CZIB: variants seen among roughly 807,000 people sequenced by gnomAD.
CZIB encodes the protein CXXC motif containing zinc binding protein, also known as UPF0587 protein C1orf123.
A neutral mutation model predicts 28.3 loss-of-function variants in CZIB; 26 were observed. The ratio of observed to expected loss-of-function variants is 0.92; its 90% CI spans 0.67 to 1.27. The LOEUF (loss-of-function observed/expected upper bound fraction) is 1.27. Ranked by LOEUF, CZIB falls within the 50% of genes most tolerant of loss-of-function variation. The pLI is 0.00. For missense variants in CZIB, 179 were observed against 197.3 expected, an observed-to-expected ratio of 0.91 and a Z score of 0.56; for synonymous variants, 78 against 71.1, an observed-to-expected ratio of 1.10 and a Z score of -0.49.
intron 5 of CZIB, chr1:53,217,825 T>C (rs1335193355): frequency 3.5e-6 from 1 of 289,418 alleles, no homozygotes; most frequent in Non-Finnish European, 6.5e-6. Context: ...ATATAAAGGA[T>C]GGGATGCACC....
chr1:53,216,115 T>C lies in CZIB; in HGVS notation c.340-59A>G, dbSNP rs950197012. 4.5e-6 allele frequency: 7 copies of C among 1,542,564 alleles called. No homozygotes were observed. In the African/African-American group the frequency reaches 6.8e-5, roughly 15 times the overall value. On this transcript the variant is annotated intron_variant, in intron 6 of 7. Coordinates refer to ENST00000294360, the MANE Select transcript of CZIB (RefSeq NM_017887.3). The stretch of plus-strand genomic sequence containing the variant: ...GCAAAAGAAGGCATTGGGCTATAAG[T>C]AAGGGCCGGCCAGGCTGCTGGCTCT...
Position 53,218,485 on chromosome 1 carries a change from G to A in CZIB, c.158C>T (p.Ala53Val). The A allele has an allele frequency of 6.2e-7, 1 of 1,614,152 alleles. No homozygotes were observed. Among genetic ancestry groups the A allele is most frequent in the Non-Finnish European group, 8.5e-7 (1 of 1,180,012 alleles). ...AGCACTGCCACGGCCCCCCTTCAGT[G>A]CCACACTGTCCTGGCAAAAAGCAAA... ...WQYIRLMDSV[A>V]LKGGRGSASM... The change falls in exon 4 of 8, where the codon GCA (alanine) becomes GTA (valine). Residue 53 changes from alanine to valine, a missense_variant. Physicochemically the swap from Ala to Val is moderately conservative, Grantham distance 64. Coordinates refer to ENST00000294360, the MANE Select transcript of CZIB (RefSeq NM_017887.3).
At chr1:53,216,460 A>G (rs1020723019) in intron 6 of CZIB, among the ~76,000 whole-genome samples, 1 of 152,228 alleles carries the variant, frequency 6.6e-6, no homozygotes, top group African/African-American at 2.4e-5. Flanking sequence ...CACCAGCTCA[A>G]GTCAGATAGA....
At position 53,214,520 on chromosome 1, in the gene CZIB, A is replaced by T. The variant is rs959829040; in HGVS notation, c.*139T>A. The T allele has an allele frequency of 1.3e-5, 9 of 672,098 alleles. No homozygotes were observed. Among genetic ancestry groups the T allele is most frequent in the Admixed American group, 5.2e-5 (2 of 38,406 alleles). 41.6% of individuals were successfully genotyped at this position (672,098 alleles called of 1,614,324 possible). A position where few individuals can be genotyped will look rare whatever the true frequency, so the allele number is the denominator to read the frequency against. On this transcript the variant is annotated 3_prime_UTR_variant, in exon 8 of 8. Transcript: ENST00000294360. ...TTGATGGGGCTTGGGAAGCTGTAAT[A>T]AAGTCCAGCATGCAGATTGTGAAGG...
chr1:53,215,097 T>C (rs1235321740), intron 7 of CZIB, among the ~76,000 whole-genome samples: 1 of 152,308 alleles, frequency 6.6e-6, no homozygotes, highest in East Asian at 1.9e-4. Context: ...CCCAGCACTT[T>C]GGGAGGCCAA....
Position 53,220,003 on chromosome 1 carries a change from G to C in CZIB, c.90+258C>G, listed in dbSNP as rs1052820740. The C allele has an allele frequency of 6.5e-6, 3 of 462,910 alleles. No individual in the cohort carries two copies. In the Admixed American group the frequency reaches 1.2e-4, roughly 18 times the overall value. The allele number at this position is 462,910 out of a possible 1,614,324, so 28.7% of individuals were successfully genotyped here. A position where few individuals can be genotyped will look rare whatever the true frequency, so the allele number is the denominator to read the frequency against. ...ATAATCACAAGCGTCCCTTCAAGTA[G>C]CATTTCGTTTAGTGTCCATTTACAG... On this transcript the variant is annotated intron_variant, in intron 2 of 7. Coordinates refer to ENST00000294360, the MANE Select transcript of CZIB (RefSeq NM_017887.3).
At position 53,220,353 on chromosome 1, in the gene CZIB, G is replaced by A. The variant is rs773594781; in HGVS notation, c.7-9C>T. 1 of 1,611,548 alleles carries A rather than the reference G, an allele frequency of 6.2e-7. No individual in the cohort carries two copies. On this transcript the variant is annotated splice_polypyrimidine_tract_variant and intron_variant, in intron 1 of 7. Transcript: ENST00000294360. The stretch of plus-strand genomic sequence containing the variant: ...AGTTGCAGCGCGATTTTCTGAGGGG[G>A]AGGGCCAGAGCGACTGCGTCAGCCG...
At chr1:53,217,220 C>A in intron 5 of CZIB, 1 of 205,320 alleles carries the variant, frequency 4.9e-6, no homozygotes, top group Non-Finnish European at 1.0e-5. Flanking sequence ...AAGTGCCCAG[C>A]ACAGTGCTCA....
Position 53,220,633 on chromosome 1 carries a change from G to C in CZIB, c.-58C>G. ...CCTTGCCGTTGCTTTCCGGCGCGTC[G>C]TAAAAGGCGGGTGCCGTCTGCGCAC... On this transcript the variant is annotated 5_prime_UTR_variant, in exon 1 of 8. Coordinates refer to ENST00000294360, the MANE Select transcript of CZIB (RefSeq NM_017887.3). The C allele has an allele frequency of 6.3e-7, 1 of 1,585,218 alleles. No homozygotes were observed. Among genetic ancestry groups the C allele is most frequent in the Admixed American group, 1.7e-5 (1 of 58,898 alleles).
rs770302102 is a variant in CZIB at position 53,220,363 on chromosome 1, G to C, written c.7-19C>G. The C allele has an allele frequency of 1.3e-5, 21 of 1,609,946 alleles. No homozygotes were observed. Among genetic ancestry groups the C allele is most frequent in the Non-Finnish European group, 1.7e-5 (20 of 1,179,394 alleles). On this transcript the variant is annotated intron_variant, in intron 1 of 7. Transcript: ENST00000294360. ...CGATTTTCTGAGGGGGAGGGCCAGA[G>C]CGACTGCGTCAGCCGTGCCTGCGCA...
chr1:53,214,509 G>T lies in CZIB; in HGVS notation c.*150C>A. On this transcript the variant is annotated 3_prime_UTR_variant, in exon 8 of 8. Coordinates refer to ENST00000294360, the MANE Select transcript of CZIB (RefSeq NM_017887.3). ...CAGGGGCTTTATTGATGGGGCTTGG[G>T]AAGCTGTAATAAAGTCCAGCATGCA... 1 of 640,436 alleles carries T rather than the reference G, an allele frequency of 1.6e-6. No individual in the cohort carries two copies. The highest frequency in any genetic ancestry group is 2.7e-6 in the Non-Finnish European group (1 of 365,808). 39.7% of individuals were successfully genotyped at this position (640,436 alleles called of 1,614,324 possible). A position where few individuals can be genotyped will look rare whatever the true frequency, so the allele number is the denominator to read the frequency against.
intron 6 of CZIB, among the ~76,000 whole-genome samples, chr1:53,216,560 G>T (rs1270350423): frequency 6.6e-6 from 1 of 152,138 alleles, no homozygotes; most frequent in Non-Finnish European, 1.5e-5. Flanking sequence ...TGAAGAACAG[G>T]ATGAATAAAT....
At chr1:53,216,726 C>A in intron 6 of CZIB, 56 bp downstream of exon 6, 1 of 1,483,710 alleles carries the variant, frequency 6.7e-7, no homozygotes, top group South Asian at 1.1e-5. Flanking sequence ...TTCTGGCTGT[C>A]ACTTCATACA....
chr1:53,216,365 A>T (rs1288264859), intron 6 of CZIB, among the ~76,000 whole-genome samples: 5 of 152,202 alleles, frequency 3.3e-5, no homozygotes, highest in Admixed American at 2.0e-4. Context: ...TTAGTTATTG[A>T]TAAAACGGGG....
At chr1:53,215,694 A>G (rs1645466027) in intron 7 of CZIB, among the ~76,000 whole-genome samples, 1 of 152,220 alleles carries the variant, frequency 6.6e-6, no homozygotes, top group South Asian at 2.1e-4. Flanking sequence ...CTGTTTAAAG[A>G]TAACTTATTT....
chr1:53,216,421 T>C (rs749715643), intron 6 of CZIB, among the ~76,000 whole-genome samples: 26 of 152,206 alleles, frequency 1.7e-4, no homozygotes, highest in Non-Finnish European at 3.1e-4. Context: ...TGTTGTGAGG[T>C]GAAACATGCA....
At position 53,218,889 on chromosome 1, in the gene CZIB, T is replaced by C. The variant is rs1277506652; in HGVS notation, c.125A>G (p.Lys42Arg). The change falls in exon 3 of 8, where the codon AAG becomes AGG. Residue 42 changes from lysine (K) to arginine (R), a missense_variant. Coordinates refer to ENST00000294360, the MANE Select transcript of CZIB (RefSeq NM_017887.3). ...TACCATCAGCCGGATGTACTGCCAC[T>C]TGTCCGAAATCTCACCACAGTTGCC... ...KCGNCGEISD[K>R]WQYIRLMDSV... The C allele has an allele frequency of 1.2e-6, 2 of 1,613,986 alleles. No individual in the cohort carries two copies. The highest frequency in any genetic ancestry group is 2.2e-5 in the East Asian group (1 of 44,872).
chr1:53,216,146 C>T (rs558756386), intron 6 of CZIB, 90 bp from the exon 7 acceptor site: 17 of 1,227,598 alleles, frequency 1.4e-5, no homozygotes, highest in Non-Finnish European at 1.9e-5. Flanking sequence ...GCTCTTCTCA[C>T]ACTTCTGGGA....
chr1:53,214,837 A>C, intron 7 of CZIB, 101 bp from the exon 8 acceptor site: 1 of 885,244 alleles, frequency 1.1e-6, no homozygotes, highest in Non-Finnish European at 1.8e-6. Flanking sequence ...CTCTGACTCA[A>C]ATAATCATGA....
Sources: gnomAD v4.1 joint callset for allele counts (sites outside exome capture counted in the v4.1 genomes callset) on GRCh38, gnomAD v4.1.1 for gene constraint, MANE v1.5 for transcripts, NCBI Gene and HGNC (gene_info 2026-07-23, HGNC 2026-07-21) for gene names.